ST6GALNAC3: variants seen among roughly 807,000 people sequenced by gnomAD.
ST6GALNAC3 encodes the protein alpha-N-acetylgalactosaminide alpha-2,6-sialyltransferase 3.
A neutral mutation model predicts 32.7 loss-of-function variants in ST6GALNAC3; 25 were observed. The ratio of observed to expected loss-of-function variants is 0.76; its 90% CI spans 0.56 to 1.07. The LOEUF (loss-of-function observed/expected upper bound fraction) is 1.07, where lower values mean the gene tolerates loss of function less well. ST6GALNAC3 is among the 50% of genes least tolerant of loss of function. ST6GALNAC3 has a pLI of 0.00. For synonymous variants in ST6GALNAC3, 129 were observed against 133.1 expected, an observed-to-expected ratio of 0.97 and a Z score of 0.21; for missense variants, 355 against 382.4, an observed-to-expected ratio of 0.93 and a Z score of 0.60.
chr1:76,161,566 A>G (rs1651813876), intron 1 of ST6GALNAC3, among the ~76,000 whole-genome samples: 1 of 152,198 alleles, frequency 6.6e-6, no homozygotes, highest in African/African-American at 2.4e-5. Context: ...TAATCACCCA[A>G]GGATGCTTTA....
At chr1:76,122,148 G>T (rs1036744600) in intron 1 of ST6GALNAC3, among the ~76,000 whole-genome samples, 1 of 152,136 alleles carries the variant, frequency 6.6e-6, no homozygotes, top group African/African-American at 2.4e-5. Flanking sequence ...TCCCTCAGAG[G>T]GTAGTTCCAT....
intron 3 of ST6GALNAC3, among the ~76,000 whole-genome samples, chr1:76,463,573 G>T (rs1658425990): frequency 6.6e-6 from 1 of 152,150 alleles, no homozygotes; most frequent in African/African-American, 2.4e-5. Flanking sequence ...TTCCTGAAAT[G>T]AATATTTGTT....
chr1:76,471,141 C>T (rs1658999397), intron 3 of ST6GALNAC3, among the ~76,000 whole-genome samples: 1 of 152,118 alleles, frequency 6.6e-6, no homozygotes, highest in Non-Finnish European at 1.5e-5. Flanking sequence ...ACCTCTCAAT[C>T]CTGGCAAAAG....
At chr1:76,260,283 T>C (rs1478676110) in intron 1 of ST6GALNAC3, among the ~76,000 whole-genome samples, 1 of 152,232 alleles carries the variant, frequency 6.6e-6, no homozygotes, top group African/African-American at 2.4e-5. Flanking sequence ...TTCATTGGCC[T>C]ACACTTTCAC....
intron 1 of ST6GALNAC3, among the ~76,000 whole-genome samples, chr1:76,265,289 T>A (rs1658464218): frequency 6.6e-6 from 1 of 152,184 alleles, no homozygotes; most frequent in South Asian, 2.1e-4. Flanking sequence ...TGTAGGCAGG[T>A]CATGATTGTT....
chr1:76,134,704 A>T (rs996838600), intron 1 of ST6GALNAC3, among the ~76,000 whole-genome samples: 1 of 152,124 alleles, frequency 6.6e-6, no homozygotes, highest in Non-Finnish European at 1.5e-5. Flanking sequence ...CTGCATGGGT[A>T]GTGTTTTACC....
chr1:76,288,970 C>T (rs1403227761), intron 1 of ST6GALNAC3, among the ~76,000 whole-genome samples: 2 of 152,186 alleles, frequency 1.3e-5, no homozygotes, highest in South Asian at 4.1e-4. Flanking sequence ...CGTAGAACCA[C>T]ACTTCCCCCT....
chr1:76,592,872 C>G (rs1647070511), intron 3 of ST6GALNAC3, among the ~76,000 whole-genome samples: 1 of 152,164 alleles, frequency 6.6e-6, no homozygotes, highest in Non-Finnish European at 1.5e-5. Flanking sequence ...GTGTGCCTTA[C>G]ATAACTTGGA....
chr1:76,517,476 C>T (rs182333822), intron 3 of ST6GALNAC3, among the ~76,000 whole-genome samples: 10 of 151,470 alleles, frequency 6.6e-5, no homozygotes, highest in African/African-American at 2.4e-4. Flanking sequence ...TTTATTTATT[C>T]TTGCAGAGTC....
chr1:76,086,566 C>T (rs1466677022), intron 1 of ST6GALNAC3, among the ~76,000 whole-genome samples: 1 of 152,054 alleles, frequency 6.6e-6, no homozygotes, highest in Non-Finnish European at 1.5e-5. Flanking sequence ...GATGTTCCTT[C>T]TTCATCTCCA....
At chr1:76,107,624 T>A (rs1647626745) in intron 1 of ST6GALNAC3, among the ~76,000 whole-genome samples, 1 of 152,236 alleles carries the variant, frequency 6.6e-6, no homozygotes, top group South Asian at 2.1e-4. Flanking sequence ...TCCTTCCTTA[T>A]TAATCAGTGT....
chr1:76,534,555 C>T (rs980682423), intron 3 of ST6GALNAC3, among the ~76,000 whole-genome samples: 9 of 152,104 alleles, frequency 5.9e-5, no homozygotes, highest in Non-Finnish European at 8.8e-5. Context: ...GTTTATGTTT[C>T]TCCCTTGTCT....
intron 3 of ST6GALNAC3, among the ~76,000 whole-genome samples, chr1:76,452,493 A>AG (rs2101560365): frequency 6.6e-6 from 1 of 152,274 alleles, no homozygotes; most frequent in African/African-American, 2.4e-5. Flanking sequence ...ATAAAAGGAT[A>AG]GTGAATTTTG....
At chr1:76,093,681 C>G (rs1647081853) in intron 1 of ST6GALNAC3, among the ~76,000 whole-genome samples, 1 of 152,202 alleles carries the variant, frequency 6.6e-6, no homozygotes, top group Admixed American at 6.5e-5. Flanking sequence ...AAATCCTCCT[C>G]TACTGGAGAC....
chr1:76,103,527 CTCTGTT>C (rs1218882334), intron 1 of ST6GALNAC3, among the ~76,000 whole-genome samples: 1 of 152,154 alleles, frequency 6.6e-6, no homozygotes, highest in African/African-American at 2.4e-5. Flanking sequence ...ATTCGACTCT[CTCTGTT>C]TCTGAGTTTC....
chr1:76,543,541 G>T (rs1249665674), intron 3 of ST6GALNAC3, among the ~76,000 whole-genome samples: 1 of 152,134 alleles, frequency 6.6e-6, no homozygotes, highest in Non-Finnish European at 1.5e-5. Context: ...GCTTAAATTT[G>T]ATATGGGTGC....
Position 76,292,772 on chromosome 1 carries a change from T to C in ST6GALNAC3, c.19-21033T>C, listed in dbSNP as rs532625827. Among the ~76,000 whole-genome samples, 10 of 152,294 alleles carry C rather than the reference T, an allele frequency of 6.6e-5. No homozygotes were observed. The East Asian group carries it at 1.9e-3, about 29-fold the overall frequency. On this transcript the variant is annotated intron_variant, in intron 1 of 4. Coordinates refer to ENST00000328299, the MANE Select transcript of ST6GALNAC3 (RefSeq NM_152996.4). ...TCTGGGCTCCTTGAATGCGATTCTG[T>C]GCCCTTTTCTGTAGCCCCACATGTC... is the stretch of plus-strand genomic sequence containing the variant.
chr1:76,552,355 T>G (rs1341504034), intron 3 of ST6GALNAC3, among the ~76,000 whole-genome samples: 3 of 152,160 alleles, frequency 2.0e-5, no homozygotes, highest in African/African-American at 7.2e-5. Flanking sequence ...CCCTACTGAA[T>G]TGGATGCCTC....
chr1:76,581,039 A>G (rs575438935), intron 3 of ST6GALNAC3, among the ~76,000 whole-genome samples: 10 of 151,990 alleles, frequency 6.6e-5, no homozygotes, highest in Admixed American at 6.6e-5. Flanking sequence ...TGCTTTATCC[A>G]TTTTTTTCTG....
Sources: gnomAD v4.1 joint callset for allele counts (sites outside exome capture counted in the v4.1 genomes callset) on GRCh38, gnomAD v4.1.1 for gene constraint, MANE v1.5 for transcripts, NCBI Gene and HGNC (gene_info 2026-07-23, HGNC 2026-07-21) for gene names.